The following DCX variants were observed in gnomAD, a reference collection of about 807,000 sequenced individuals.
DCX encodes the protein doublecortin.
In DCX, 4 loss-of-function variants were observed where a neutral mutation model predicts 20.9. The observed-to-expected ratio is 0.19, with a 90% confidence interval of 0.09 to 0.44. The LOEUF is 0.44. DCX is among the 20% of genes least tolerant of loss of function. The pLI, the probability that DCX is intolerant of heterozygous loss-of-function variation, is 0.99. For synonymous variants in DCX, 103 were observed against 111.4 expected (o/e 0.92, Z 0.47); for missense variants, 133 against 296.9 (o/e 0.45, Z 4.06).
chrX:111,379,940 C>T (rs1447678430), intron 3 of DCX, among the ~76,000 whole-genome samples: 1 of 111,426 alleles, frequency 9.0e-6, no homozygotes. Context: ...TTGCATTTAC[C>T]TCATGGCTAA....
Position 111,316,096 on chromosome X carries a change from A to T in DCX, c.947-3360T>A, listed in dbSNP as rs757845403. On this transcript the variant is annotated intron_variant, in intron 5 of 6. Transcript: ENST00000636035. ...GAGTATAATAAAAAATAAAAAAAAA[A>T]AAAAAAAAAAAAAATGTTAAGGGTC... Among the ~76,000 whole-genome samples the T allele has an allele frequency of 3.6e-3, 365 of 101,394 alleles. 6 individuals are homozygous for T. Among genetic ancestry groups the T allele is most frequent in the East Asian group, 4.7e-3 (16 of 3,411 alleles). The allele number at this position is 101,394 out of a possible 115,157, so 88.0% of individuals were successfully genotyped here.
intron 3 of DCX, among the ~76,000 whole-genome samples, chrX:111,357,182 T>C (rs958932564): frequency 8.9e-6 from 1 of 111,902 alleles, no homozygotes; most frequent in Non-Finnish European, 1.9e-5. Flanking sequence ...CAGTGGTTAA[T>C]AGTGAGAAAT....
At chrX:111,367,822 A>C in intron 3 of DCX, among the ~76,000 whole-genome samples, 1 of 111,553 alleles carries the variant, frequency 9.0e-6, no homozygotes, top group Middle Eastern at 4.6e-3. Context: ...AAAACTGAGA[A>C]AAATGAAGTT....
intron 2 of DCX, among the ~76,000 whole-genome samples, chrX:111,404,863 TGCCTCCTGCACTTCCTGCTGCC>T (rs2147268073): frequency 8.9e-6 from 1 of 112,718 alleles, no homozygotes; most frequent in South Asian, 3.7e-4. Flanking sequence ...CAGAGCTCAG[TGCCTCCTGCACTTCCTGCTGCC>T]TGGCACTTGG....
chrX:111,307,728 G>A (rs138555014), intron 6 of DCX, among the ~76,000 whole-genome samples: 262 of 111,943 alleles, frequency 2.3e-3, no homozygotes, highest in Non-Finnish European at 2.8e-3. Flanking sequence ...TTTTCAGGCC[G>A]TACAAAAGGA....
At chrX:111,359,274 G>A (rs144733958) in intron 3 of DCX, among the ~76,000 whole-genome samples, 1,530 of 111,739 alleles carry the variant, frequency 0.014, 22 homozygotes, top group African/African-American at 0.047. Flanking sequence ...ATGTACACAT[G>A]GAAGTTTATT....
At chrX:111,363,323 A>G (rs754369036) in intron 3 of DCX, among the ~76,000 whole-genome samples, 25 of 110,585 alleles carry the variant, frequency 2.3e-4, no homozygotes, top group Non-Finnish European at 1.9e-5. Flanking sequence ...TCCCCCAGCC[A>G]TTGGGGGAAG....
chrX:111,353,363 A>G (rs955100552), intron 3 of DCX, among the ~76,000 whole-genome samples: 1 of 112,120 alleles, frequency 8.9e-6, no homozygotes, highest in African/African-American at 3.2e-5. Flanking sequence ...ACAAAAAGAA[A>G]TAGTGCATAT....
At chrX:111,336,961 G>A (rs1433760996) in intron 3 of DCX, among the ~76,000 whole-genome samples, 1 of 110,609 alleles carries the variant, frequency 9.0e-6, no homozygotes, top group Non-Finnish European at 1.9e-5. Flanking sequence ...AGAAGAAGAA[G>A]GAAAAGAAGG....
In DCX at chrX:111,360,662, AT is replaced by A. The variant is rs747844129; in HGVS notation, c.706-27510del. On this transcript the variant is annotated intron_variant, in intron 3 of 6. Transcript: ENST00000636035. ...TGGATACCCCATTCTCCATGATGTG[AT>A]TTTTACACATTGCATACCTGTATCA... 3.6e-5 allele frequency among the ~76,000 whole-genome samples: 4 copies of A among 111,402 alleles called. No individual in the cohort carries two copies. The East Asian group carries it at 1.1e-3, about 31-fold the overall frequency.
intron 3 of DCX, among the ~76,000 whole-genome samples, chrX:111,338,867 A>C (rs1440565531): frequency 9.0e-6 from 1 of 111,141 alleles, no homozygotes; most frequent in African/African-American, 3.3e-5. Flanking sequence ...TTCTCCTCTC[A>C]ACTCAATCCG....
At chrX:111,349,229 A>G (rs1923113355) in intron 3 of DCX, among the ~76,000 whole-genome samples, 1 of 111,770 alleles carries the variant, frequency 8.9e-6, no homozygotes. Context: ...AGTCTATGAA[A>G]CATTCCAGGT....
intron 3 of DCX, among the ~76,000 whole-genome samples, chrX:111,400,272 A>G (rs1399020587): frequency 9.0e-6 from 1 of 111,657 alleles, no homozygotes; most frequent in African/African-American, 3.3e-5. Flanking sequence ...GCCTGGCTGC[A>G]TTCTTTCCCA....
chrX:111,378,416 T>C lies in DCX; in HGVS notation c.705+22574A>G, dbSNP rs755074901. ...GGTCTGGGGCGAGGCTCAGGAAATCTGCATTTTTAACAAGCTACCCACATG... is the reference window on the plus strand; with the variant it reads ...GGTCTGGGGCGAGGCTCAGGAAATCCGCATTTTTAACAAGCTACCCACATG... On this transcript the variant is annotated intron_variant, in intron 3 of 6. Coordinates refer to ENST00000636035, the MANE Select transcript of DCX (RefSeq NM_001195553.2). 5.4e-5 allele frequency among the ~76,000 whole-genome samples: 6 copies of C among 111,804 alleles called. No individual in the cohort carries two copies. In the South Asian group the frequency reaches 1.5e-3, roughly 28 times the overall value.
chrX:111,372,510 T>C, intron 3 of DCX, among the ~76,000 whole-genome samples: 1 of 111,977 alleles, frequency 8.9e-6, no homozygotes, highest in East Asian at 2.8e-4. Flanking sequence ...TGGCTGTTTA[T>C]GCACATCAGA....
At chrX:111,330,830 G>T in intron 5 of DCX, 74 bp downstream of exon 5, 1 of 1,167,380 alleles carries the variant, frequency 8.6e-7, no homozygotes, top group East Asian at 3.0e-5. Context: ...ATGAGGAACT[G>T]ATTCCTCTGC....
rs182066939 is a variant in DCX, at chrX:111,298,081, G to A, written c.*3606C>T. 5 of 111,632 alleles carry A rather than the reference G, an allele frequency of 4.5e-5. No homozygotes were observed. The East Asian group carries it at 1.4e-3, about 31-fold the overall frequency. 9.2% of individuals were successfully genotyped at this position (111,632 alleles called of 1,213,427 possible). A position where few individuals can be genotyped will look rare whatever the true frequency, so the allele number is the denominator to read the frequency against. On this transcript the variant is annotated 3_prime_UTR_variant, in exon 7 of 7. Coordinates refer to ENST00000636035, the MANE Select transcript of DCX (RefSeq NM_001195553.2). ...GTTGAAAAGCCATCTCAGAAAGTTA[G>A]GATGAACAAAGCTATTGTTCCACTC... is the stretch of plus-strand genomic sequence containing the variant.
intron 3 of DCX, among the ~76,000 whole-genome samples, chrX:111,345,623 C>T (rs1436926655): frequency 4.5e-5 from 5 of 111,410 alleles, no homozygotes; most frequent in Non-Finnish European, 7.5e-5. Context: ...GTTTACATGG[C>T]CAACAAACAT....
chrX:111,409,215 A>T (rs1398479988), intron 2 of DCX, among the ~76,000 whole-genome samples: 1 of 111,790 alleles, frequency 8.9e-6, no homozygotes, highest in East Asian at 2.8e-4. Flanking sequence ...GTGACCCAAG[A>T]TCTATTTTCT....
Sources: gnomAD v4.1 joint callset for allele counts (sites outside exome capture counted in the v4.1 genomes callset) on GRCh38, gnomAD v4.1.1 for gene constraint, MANE v1.5 for transcripts, NCBI Gene and HGNC (gene_info 2026-07-23, HGNC 2026-07-21) for gene names.